CCDC7: variants seen among roughly 807,000 people sequenced by gnomAD.
CCDC7 encodes coiled-coil domain containing 7, also known as coiled-coil domain-containing protein 7.
In CCDC7, 183 loss-of-function variants were observed where a neutral mutation model predicts 196.9. That is an observed-to-expected ratio of 0.93 (90% CI 0.82 to 1.05). CCDC7 has a LOEUF of 1.05. CCDC7 is among the 50% of genes least tolerant of loss of function. CCDC7 has a pLI of 0.00. For missense variants in CCDC7, 1,540 were observed against 1,482.2 expected, an observed-to-expected ratio of 1.04 and a Z score of -0.64; for synonymous variants, 525 against 484.6, an observed-to-expected ratio of 1.08 and a Z score of -1.10.
In CCDC7 at chr10:32,501,158, G is replaced by A. The variant is rs558411414; in HGVS notation, c.872+9161G>A. On this transcript the variant is annotated intron_variant, in intron 9 of 41. Transcript: ENST00000639629. ...TTCAATCTCTGATATCCTTTCTTCCGCTTGATCAATTTGGCTATTGATACT... is the reference window on the plus strand; with the variant it reads ...TTCAATCTCTGATATCCTTTCTTCCACTTGATCAATTTGGCTATTGATACT... 4.0e-5 allele frequency among the ~76,000 whole-genome samples: 6 copies of A among 151,788 alleles called. No homozygotes were observed. In the East Asian group the frequency reaches 7.8e-4, roughly 20 times the overall value.
At chr10:32,835,500 A>G (rs2092531265) in intron 33 of CCDC7, among the ~76,000 whole-genome samples, 1 of 152,142 alleles carries the variant, frequency 6.6e-6, no homozygotes, top group African/African-American at 2.4e-5. Flanking sequence ...TACAATGCAG[A>G]CATAAAAAAG....
intron 9 of CCDC7, chr10:32,513,345 T>C (rs1564513631): frequency 6.6e-6 from 1 of 152,096 alleles, no homozygotes; most frequent in East Asian, 1.9e-4. Flanking sequence ...AAGATTTAAT[T>C]AGTAATTAAC....
chr10:32,696,322 T>C (rs1565175967), intron 24 of CCDC7, among the ~76,000 whole-genome samples: 1 of 152,140 alleles, frequency 6.6e-6, no homozygotes, highest in African/African-American at 2.4e-5. Context: ...CTCATTCTCA[T>C]GCCAGGGATT....
intron 23 of CCDC7, among the ~76,000 whole-genome samples, chr10:32,690,911 G>A (rs1444461263): frequency 6.6e-6 from 1 of 152,208 alleles, no homozygotes; most frequent in African/African-American, 2.4e-5. Flanking sequence ...TCATGGTAGT[G>A]TTTGACCAAG....
chr10:32,780,862 G>C (rs12219087), intron 29 of CCDC7, among the ~76,000 whole-genome samples: 6 of 152,000 alleles, frequency 3.9e-5, no homozygotes, highest in South Asian at 4.1e-4. Flanking sequence ...TTTAAAAAAT[G>C]ATCAACTACA....
intron 18 of CCDC7, among the ~76,000 whole-genome samples, chr10:32,619,411 A>T (rs543197737): frequency 1.3e-5 from 2 of 152,272 alleles, no homozygotes; most frequent in South Asian, 2.1e-4. Context: ...ATGATGAAAA[A>T]GGAAATAGCA....
intron 33 of CCDC7, among the ~76,000 whole-genome samples, chr10:32,838,837 C>A (rs922689728): frequency 5.9e-5 from 9 of 152,038 alleles, no homozygotes; most frequent in Admixed American, 3.9e-4. Flanking sequence ...TTTTAGCCTC[C>A]TTAAATAAAA....
At chr10:32,613,365 C>G (rs1381603849) in intron 18 of CCDC7, among the ~76,000 whole-genome samples, 2 of 150,540 alleles carry the variant, frequency 1.3e-5, no homozygotes, top group Non-Finnish European at 3.0e-5. Context: ...AAAACTAGCT[C>G]CTGGATTCAT....
At chr10:32,686,533 G>C (rs925133149) in intron 22 of CCDC7, among the ~76,000 whole-genome samples, 1 of 152,204 alleles carries the variant, frequency 6.6e-6, no homozygotes, top group Non-Finnish European at 1.5e-5. Flanking sequence ...GGATGGACTC[G>C]AGGGCATTCT....
At chr10:32,668,838 T>C (rs1359288529) in intron 21 of CCDC7, among the ~76,000 whole-genome samples, 1 of 152,114 alleles carries the variant, frequency 6.6e-6, no homozygotes, top group African/African-American at 2.4e-5. Context: ...GTTTATGTTA[T>C]CTGACCAAGA....
chr10:32,800,586 C>T (rs940560986), intron 29 of CCDC7, among the ~76,000 whole-genome samples: 3 of 152,150 alleles, frequency 2.0e-5, no homozygotes, highest in Non-Finnish European at 4.4e-5. Flanking sequence ...GACCAGTAGT[C>T]CCTGAAAGGT....
intron 13 of CCDC7, among the ~76,000 whole-genome samples, chr10:32,551,702 G>A (rs1302951671): frequency 6.6e-6 from 1 of 152,048 alleles, no homozygotes; most frequent in African/African-American, 2.4e-5. Flanking sequence ...GTATTTGCAT[G>A]GTTTTGAAGG....
chr10:32,587,068 A>C (rs540276153), intron 18 of CCDC7, among the ~76,000 whole-genome samples: 84 of 152,314 alleles, frequency 5.5e-4, no homozygotes, highest in African/African-American at 2.0e-3. Flanking sequence ...AGTATACCTA[A>C]CATAAAATAT....
intron 13 of CCDC7, among the ~76,000 whole-genome samples, chr10:32,564,385 AGACTTG>A (rs2056389072): frequency 6.6e-6 from 1 of 152,190 alleles, no homozygotes; most frequent in Non-Finnish European, 1.5e-5. Flanking sequence ...ACAATAGCAG[AGACTTG>A]GAACCAACCC....
chr10:32,656,741 C>A (rs1478851479), intron 20 of CCDC7, among the ~76,000 whole-genome samples: 3 of 152,174 alleles, frequency 2.0e-5, no homozygotes, highest in Admixed American at 2.0e-4. Context: ...AATCTCATGT[C>A]CTCACATTTC....
intron 24 of CCDC7, among the ~76,000 whole-genome samples, chr10:32,708,854 C>A (rs1284296916): frequency 6.6e-6 from 1 of 152,124 alleles, no homozygotes; most frequent in African/African-American, 2.4e-5. Flanking sequence ...GAAATAGGAA[C>A]ACTTTTACAC....
intron 9 of CCDC7, among the ~76,000 whole-genome samples, chr10:32,514,881 G>C (rs1382394776): frequency 1.3e-5 from 2 of 152,168 alleles, no homozygotes; most frequent in Admixed American, 6.5e-5. Flanking sequence ...CTGGTGTGCA[G>C]TGATGTAATC....
chr10:32,719,715 T>C (rs1007056669), intron 25 of CCDC7, among the ~76,000 whole-genome samples: 2 of 152,108 alleles, frequency 1.3e-5, no homozygotes, highest in Non-Finnish European at 2.9e-5. Context: ...GTGAAGGATA[T>C]GAACAGGCAC....
At chr10:32,767,079 A>T (rs1317944553) in intron 28 of CCDC7, among the ~76,000 whole-genome samples, 1 of 152,082 alleles carries the variant, frequency 6.6e-6, no homozygotes, top group African/African-American at 2.4e-5. Context: ...TAATACTAAT[A>T]GAGTAACAAC....
Sources: allele counts gnomAD v4.1 joint callset (sites outside exome capture counted in the v4.1 genomes callset), GRCh38; gene constraint gnomAD v4.1.1; transcripts MANE v1.5; gene names NCBI Gene and HGNC (gene_info 2026-07-23, HGNC 2026-07-21).